The following AP4E1 variants were observed in gnomAD, a reference collection of about 807,000 sequenced individuals.
The protein encoded by AP4E1 is adaptor related protein complex 4 subunit epsilon 1.
A neutral mutation model predicts 128.2 loss-of-function variants in AP4E1; 56 were observed. The observed-to-expected ratio is 0.44, with a 90% CI of 0.35 to 0.55. The LOEUF is 0.55. Among genes scored for constraint, AP4E1 ranks in the 20% least tolerant of loss-of-function variants. The pLI, the probability that AP4E1 is intolerant of heterozygous loss-of-function variation, is 0.00. For missense variants in AP4E1, 1,324 were observed against 1,307.7 expected (o/e 1.01, Z -0.19); for synonymous variants, 484 against 473.1 (o/e 1.02, Z -0.30).
intron 13 of AP4E1, among the ~76,000 whole-genome samples, chr15:50,952,643 A>G (rs2064167494): frequency 6.6e-6 from 1 of 152,110 alleles, no homozygotes; most frequent in African/African-American, 2.4e-5. Context: ...TCCCAGATCC[A>G]GTTGAGGATC....
chr15:50,931,902 G>C (rs1271025835), intron 7 of AP4E1, among the ~76,000 whole-genome samples: 1 of 151,852 alleles, frequency 6.6e-6, no homozygotes. Flanking sequence ...TCATTTATCT[G>C]AATTATTCTT....
At chr15:50,978,820 A>G (rs539622032) in intron 15 of AP4E1, among the ~76,000 whole-genome samples, 2 of 152,290 alleles carry the variant, frequency 1.3e-5, no homozygotes, top group Admixed American at 6.5e-5. Context: ...TTGCACATGT[A>G]GTTAACTCTC....
intron 15 of AP4E1, among the ~76,000 whole-genome samples, chr15:50,979,078 T>G (rs1238005174): frequency 2.0e-5 from 3 of 152,200 alleles, no homozygotes; most frequent in Admixed American, 6.5e-5. Flanking sequence ...ATTTTGAGCT[T>G]CTTTCTGCTT....
chr15:50,910,097 C>T (rs540303355), intron 1 of AP4E1, among the ~76,000 whole-genome samples: 2 of 152,382 alleles, frequency 1.3e-5, no homozygotes, highest in South Asian at 4.1e-4. Context: ...AGCGATTCTC[C>T]TGCCTCAGCC....
rs1320284502 is a variant in AP4E1, at chr15:50,999,171, A to C, written c.3004A>C (p.Asn1002His). 1.2e-6 allele frequency: 2 copies of C among 1,613,896 alleles called. No homozygotes were observed. The highest frequency in any genetic ancestry group is 1.7e-6 in the Non-Finnish European group (2 of 1,179,908). ...VQIEKPFTEG[N>H]LTGFISYHMM... Reference sequence around the variant, plus strand: ...GATAGAAAAACCTTTTACAGAAGGAAATCTTACTGGTTTTATTAGTTATCA... The same window carrying C: ...GATAGAAAAACCTTTTACAGAAGGACATCTTACTGGTTTTATTAGTTATCA... The change falls in exon 19 of 21, where the codon AAT becomes CAT. Residue 1002 changes from asparagine (N) to histidine (H), a missense_variant. Physicochemically the swap from Asn to His is moderately conservative, Grantham distance 68. Transcript: ENST00000261842.
At chr15:50,948,205 A>C (rs1434036488) in intron 11 of AP4E1, 46 bp downstream of exon 11, 1 of 936,970 alleles carries the variant, frequency 1.1e-6, no homozygotes, top group East Asian at 6.4e-5. Flanking sequence ...TTAGTTATGC[A>C]GTGACTTTAA....
At chr15:50,960,092 A>G (rs539870910) in intron 14 of AP4E1, among the ~76,000 whole-genome samples, 2 of 152,340 alleles carry the variant, frequency 1.3e-5, no homozygotes, top group South Asian at 2.1e-4. Context: ...GTAAATACAT[A>G]TGCACCCAAC....
chr15:50,937,367 A>G (rs977514427), intron 8 of AP4E1, among the ~76,000 whole-genome samples: 2 of 152,196 alleles, frequency 1.3e-5, no homozygotes, highest in Non-Finnish European at 2.9e-5. Flanking sequence ...TTTTATTTTT[A>G]TGGAAGCTCT....
intron 15 of AP4E1, among the ~76,000 whole-genome samples, chr15:50,979,400 C>T (rs1258603290): frequency 6.6e-6 from 1 of 152,222 alleles, no homozygotes; most frequent in Admixed American, 6.5e-5. Flanking sequence ...GTTTGGCCCT[C>T]TCTTGCTCTC....
At chr15:50,970,737 A>G (rs2064467250) in intron 15 of AP4E1, among the ~76,000 whole-genome samples, 1 of 151,934 alleles carries the variant, frequency 6.6e-6, no homozygotes, top group Non-Finnish European at 1.5e-5. Flanking sequence ...CCCCACTTTC[A>G]GTCTGTGTGT....
chr15:50,968,545 A>G (rs1033029559), intron 15 of AP4E1, among the ~76,000 whole-genome samples, 168 bp downstream of exon 15: 1 of 152,222 alleles, frequency 6.6e-6, no homozygotes, highest in Non-Finnish European at 1.5e-5. Context: ...GAGGAAAAAA[A>G]AAAGTTAGCC....
At position 50,968,362 on chromosome 15, in the gene AP4E1, C is replaced by G. The variant is rs148555464; in HGVS notation, c.1951C>G (p.Leu651Val). Residue 651 changes from leucine to valine, a missense_variant, in exon 15 of 21, where the codon CTT becomes GTT. By Grantham distance (32) the Leu-to-Val change is conservative. Transcript: ENST00000261842. ...KPPHQRQEEK[L>V]SQEKVLNFEP... is the part of the protein sequence containing the mutation. ...TCCCCATCAACGCCAGGAGGAAAAG[C>G]TTTCTCAGGAAAAAGGTAATTTTTC... The G allele has an allele frequency of 3.9e-5, 63 of 1,612,620 alleles. No homozygotes were observed. In the African/African-American group the frequency reaches 7.1e-4, roughly 18 times the overall value.
intron 13 of AP4E1, among the ~76,000 whole-genome samples, chr15:50,951,398 C>G (rs2064148013): frequency 6.6e-6 from 1 of 152,184 alleles, no homozygotes; most frequent in African/African-American, 2.4e-5. Context: ...GGGCCGCCTG[C>G]TTCATCAAAG....
Position 50,932,268 on chromosome 15 carries a change from C to A in AP4E1, c.869+1297C>A, listed in dbSNP as rs28693451. On this transcript the variant is annotated intron_variant, in intron 7 of 20. Transcript: ENST00000261842. ...TGCTGGGATGACAGGCGTGAGCCAC[C>A]GCCCCGGCCTCAATTTTGCCCTACT... Among the ~76,000 whole-genome samples, 761 of 152,226 alleles carry A rather than the reference C, an allele frequency of 5.0e-3. 11 individuals carry two copies. Among genetic ancestry groups the A allele is most frequent in the African/African-American group, 0.018 (737 of 41,544 alleles).
chr15:50,958,185 C>T (rs1596484065), intron 13 of AP4E1, among the ~76,000 whole-genome samples: 1 of 152,252 alleles, frequency 6.6e-6, no homozygotes, highest in East Asian at 1.9e-4. Context: ...TAAGTGCTTA[C>T]TGGAAAATAA....
rs763213861 is a variant in AP4E1, at chr15:50,997,774, A to G, written c.2795A>G (p.Tyr932Cys). 1.2e-6 allele frequency: 2 copies of G among 1,610,400 alleles called. No homozygotes were observed. The highest frequency in any genetic ancestry group is 1.7e-5 in the Admixed American group (1 of 59,656). Residue 932 changes from tyrosine (Y) to cysteine (C), a missense_variant, in exon 18 of 21, where the codon TAT becomes TGT. By Grantham distance (194) the Tyr-to-Cys change is radical. Coordinates refer to ENST00000261842, the MANE Select transcript of AP4E1 (RefSeq NM_007347.5). ...AATGAAACTATATCAGTGTCTTCTT[A>G]TAAAATTTGGAAAGATGATTGTTTA... ...CNNETISVSS[Y>C]KIWKDDCLLM...
chr15:50,960,492 A>C (rs2064297325), intron 14 of AP4E1, among the ~76,000 whole-genome samples: 1 of 152,092 alleles, frequency 6.6e-6, no homozygotes, highest in South Asian at 2.1e-4. Context: ...AACAAATAAT[A>C]TGAAAATCAA....
chr15:50,909,939 C>T (rs1220794392), intron 1 of AP4E1, among the ~76,000 whole-genome samples: 4 of 151,792 alleles, frequency 2.6e-5, no homozygotes, highest in Non-Finnish European at 2.9e-5. Flanking sequence ...CCCGCCTTGG[C>T]GTCCCAAAGT....
intron 8 of AP4E1, among the ~76,000 whole-genome samples, chr15:50,937,075 T>C (rs1310455122): frequency 1.3e-5 from 2 of 152,376 alleles, no homozygotes; most frequent in South Asian, 2.1e-4. Flanking sequence ...TTCATTGTTA[T>C]GCTTTTCTCT....
Sources: allele counts gnomAD v4.1 joint callset (sites outside exome capture counted in the v4.1 genomes callset), GRCh38; gene constraint gnomAD v4.1.1; transcripts MANE v1.5; gene names NCBI Gene and HGNC (gene_info 2026-07-23, HGNC 2026-07-21).